The following ROR1 variants were observed in gnomAD, a reference collection of about 807,000 sequenced individuals.
ROR1 encodes inactive tyrosine-protein kinase transmembrane receptor ROR1.
In ROR1, 19 loss-of-function variants were observed where a neutral mutation model predicts 78.8. The observed-to-expected ratio is 0.24, with a 90% CI of 0.17 to 0.35. ROR1 has a LOEUF of 0.35. Among genes scored for constraint, ROR1 ranks in the 10% least tolerant of loss-of-function variants. The pLI, the probability that ROR1 is intolerant of heterozygous loss-of-function variation, is 1.00. For synonymous variants in ROR1, 386 were observed against 433.6 expected (o/e 0.89, Z 1.36); for missense variants, 917 against 1,177.8 (o/e 0.78, Z 3.24).
At chr1:63,989,584 C>T (rs1466746796) in intron 1 of ROR1, among the ~76,000 whole-genome samples, 1 of 152,174 alleles carries the variant, frequency 6.6e-6, no homozygotes, top group East Asian at 1.9e-4. Context: ...TACAATGTCA[C>T]ATGATAAATA....
At chr1:63,851,614 C>G (rs1166959586) in intron 1 of ROR1, among the ~76,000 whole-genome samples, 1 of 152,102 alleles carries the variant, frequency 6.6e-6, no homozygotes, top group Non-Finnish European at 1.5e-5. Context: ...TGATTATTCC[C>G]CTCATTGCCC....
chr1:63,956,427 A>T (rs1160437227), intron 1 of ROR1, among the ~76,000 whole-genome samples: 3 of 152,188 alleles, frequency 2.0e-5, no homozygotes, highest in African/African-American at 7.2e-5. Flanking sequence ...AAGCCCTGGA[A>T]GCTAACTCGT....
intron 1 of ROR1, among the ~76,000 whole-genome samples, chr1:63,812,744 C>T (rs1557508877): frequency 6.6e-6 from 1 of 152,130 alleles, no homozygotes; most frequent in Non-Finnish European, 1.5e-5. Flanking sequence ...ATCTATGAAG[C>T]TTTGTATGTG....
At chr1:64,147,210 A>G (rs1649500281) in intron 7 of ROR1, among the ~76,000 whole-genome samples, 1 of 152,230 alleles carries the variant, frequency 6.6e-6, no homozygotes, top group South Asian at 2.1e-4. Context: ...CAGTATAGCA[A>G]TGTTGAAAAC....
At chr1:63,850,700 A>G (rs1311341942) in intron 1 of ROR1, among the ~76,000 whole-genome samples, 1 of 152,008 alleles carries the variant, frequency 6.6e-6, no homozygotes, top group East Asian at 1.9e-4. Flanking sequence ...GGCAGATTTG[A>G]GTTTCTGCTT....
intron 1 of ROR1, among the ~76,000 whole-genome samples, chr1:63,806,793 C>A (rs1428068911): frequency 6.6e-6 from 1 of 152,132 alleles, no homozygotes; most frequent in African/African-American, 2.4e-5. Context: ...GATTCACAGG[C>A]CCTGACTTAA....
At chr1:64,022,429 TCTAAA>T (rs1646572209) in intron 2 of ROR1, among the ~76,000 whole-genome samples, 1 of 152,186 alleles carries the variant, frequency 6.6e-6, no homozygotes, top group African/African-American at 2.4e-5. Flanking sequence ...ATAAGAAAAC[TCTAAA>T]TAAACAAAAC....
At chr1:64,047,502 G>A (rs1569623012) in intron 2 of ROR1, among the ~76,000 whole-genome samples, 1 of 152,144 alleles carries the variant, frequency 6.6e-6, no homozygotes, top group Non-Finnish European at 1.5e-5. Context: ...TTCAAACCCA[G>A]CCAATCAAAT....
chr1:63,787,097 C>A (rs1374497342), intron 1 of ROR1, among the ~76,000 whole-genome samples: 1 of 152,156 alleles, frequency 6.6e-6, no homozygotes, highest in African/African-American at 2.4e-5. Context: ...AATTTCTACC[C>A]TCACACCGGC....
intron 7 of ROR1, among the ~76,000 whole-genome samples, chr1:64,144,080 G>A (rs1413829930): frequency 6.6e-6 from 1 of 152,148 alleles, no homozygotes; most frequent in Non-Finnish European, 1.5e-5. Flanking sequence ...GGCAGATTCT[G>A]GATATGTGTT....
At chr1:63,779,321 G>A (rs777349694) in intron 1 of ROR1, among the ~76,000 whole-genome samples, 1 of 152,190 alleles carries the variant, frequency 6.6e-6, no homozygotes, top group Non-Finnish European at 1.5e-5. Context: ...GGGACAGCTG[G>A]CTTGCCAGCT....
chr1:63,852,787 T>C (rs923241767), intron 1 of ROR1, among the ~76,000 whole-genome samples: 1 of 152,228 alleles, frequency 6.6e-6, no homozygotes, highest in African/African-American at 2.4e-5. Flanking sequence ...TCTTACCACA[T>C]GTATTAACCA....
chr1:63,918,138 C>A (rs1645623433), intron 1 of ROR1, among the ~76,000 whole-genome samples: 1 of 152,194 alleles, frequency 6.6e-6, no homozygotes, highest in Non-Finnish European at 1.5e-5. Context: ...CCAAGCTAGA[C>A]CCAGATTGCG....
intron 1 of ROR1, among the ~76,000 whole-genome samples, chr1:63,805,511 A>G (rs1644823250): frequency 6.6e-6 from 1 of 152,250 alleles, no homozygotes. Flanking sequence ...ATTGCTCCTA[A>G]TGCATCAACT....
At chr1:64,021,423 C>A (rs900400772) in intron 2 of ROR1, among the ~76,000 whole-genome samples, 1 of 152,194 alleles carries the variant, frequency 6.6e-6, no homozygotes, top group Admixed American at 6.5e-5. Context: ...TACAAAATTC[C>A]TGTCTCATGA....
chr1:63,970,026 A>T (rs538886556), intron 1 of ROR1, among the ~76,000 whole-genome samples: 1 of 152,082 alleles, frequency 6.6e-6, no homozygotes, highest in African/African-American at 2.4e-5. Context: ...TATGACCTTT[A>T]TATCTTCATG....
In ROR1 at chr1:64,159,142, G is replaced by A. The variant is rs546813526; in HGVS notation, c.1336G>A (p.Val446Ile). 2.7e-5 allele frequency: 44 copies of A among 1,614,064 alleles called. No homozygotes were observed. The East Asian group carries it at 4.0e-4, about 15-fold the overall frequency. ...ACCAGTCCAGAGGCAACCAAAACAC[G>A]TCAGAGGTCAAAATGTAGAGATGTC... is the stretch of plus-strand genomic sequence containing the variant. ...SAPVQRQPKHVRGQNVEMSML... is the reference protein window; with the variant it reads ...SAPVQRQPKHIRGQNVEMSML... Residue 446 changes from valine (V) to isoleucine (I), a missense_variant, in exon 8 of 9, where the codon GTC (valine) becomes ATC (isoleucine). Transcript: ENST00000371079.
chr1:64,128,608 T>C (rs1201432788), intron 4 of ROR1, among the ~76,000 whole-genome samples: 2 of 152,202 alleles, frequency 1.3e-5, no homozygotes, highest in African/African-American at 4.8e-5. Flanking sequence ...ATTCACTTAT[T>C]GAACGTTTAT....
intron 2 of ROR1, among the ~76,000 whole-genome samples, chr1:64,024,914 C>T (rs778806320): frequency 1.3e-5 from 2 of 151,964 alleles, no homozygotes; most frequent in Non-Finnish European, 2.9e-5. Context: ...ATTAATTTTT[C>T]TCATTCTACT....
Sources: gnomAD v4.1 joint callset for allele counts (sites outside exome capture counted in the v4.1 genomes callset) on GRCh38, gnomAD v4.1.1 for gene constraint, MANE v1.5 for transcripts, NCBI Gene and HGNC (gene_info 2026-07-23, HGNC 2026-07-21) for gene names.